DSCAM: variants seen among roughly 807,000 people sequenced by gnomAD.
The protein encoded by DSCAM is DS cell adhesion molecule, also known as cell adhesion molecule DSCAM.
Under a neutral mutation model 217.7 loss-of-function variants are expected in DSCAM, and 47 were observed. The ratio of observed to expected loss-of-function variants is 0.22; its 90% confidence interval spans 0.17 to 0.28. The LOEUF (loss-of-function observed/expected upper bound fraction) is 0.28, where lower values mean the gene tolerates loss of function less well. DSCAM is among the 10% of genes least tolerant of loss of function. The pLI is 1.00. For missense variants in DSCAM, 2,080 were observed against 2,618.3 expected, an observed-to-expected ratio of 0.79 and a Z score of 4.49; for synonymous variants, 1,056 against 1,015.3, an observed-to-expected ratio of 1.04 and a Z score of -0.76.
chr21:40,708,078 C>G (rs1430137317), intron 2 of DSCAM, among the ~76,000 whole-genome samples: 1 of 151,978 alleles, frequency 6.6e-6, no homozygotes, highest in African/African-American at 2.4e-5. Flanking sequence ...ATTTTTTTCT[C>G]TCTCTTTCTC....
chr21:40,194,787 G>A (rs999146563), intron 11 of DSCAM, among the ~76,000 whole-genome samples: 1 of 152,148 alleles, frequency 6.6e-6, no homozygotes, highest in Non-Finnish European at 1.5e-5. Flanking sequence ...ATCTGATTGT[G>A]CACATCTCTG....
rs185692184 is a variant in DSCAM at position 40,435,851 on chromosome 21, T to G, written c.509-66606A>C. 4.6e-5 allele frequency among the ~76,000 whole-genome samples: 7 copies of G among 152,318 alleles called. No homozygotes were observed. In the East Asian group the frequency reaches 9.6e-4, roughly 21 times the overall value. On this transcript the variant is annotated intron_variant, in intron 3 of 32. Transcript: ENST00000400454. ...ATACCCATTCAATAGAAACCATACT[T>G]TGAATTTTGATCTTTTCCCAGGCTA...
At position 40,822,262 on chromosome 21, in the gene DSCAM, C is replaced by T. The variant is rs1252230994; in HGVS notation, c.43+24357G>A. The stretch of plus-strand genomic sequence containing the variant: ...TGAACCCGGGAAGCAGGGGTTGCAG[C>T]GAGCCAAGATTGCACCACTGCACTC... On this transcript the variant is annotated intron_variant, in intron 1 of 32. Coordinates refer to ENST00000400454, the MANE Select transcript of DSCAM (RefSeq NM_001389.5). 8.4e-4 allele frequency among the ~76,000 whole-genome samples: 108 copies of T among 128,492 alleles called. 2 individuals are homozygous for T. The highest frequency in any genetic ancestry group is 3.3e-4 in the Non-Finnish European group (21 of 64,394). 84.3% of individuals were successfully genotyped at this position (128,492 alleles called of 152,430 possible). A position where few individuals can be genotyped will look rare whatever the true frequency, so the allele number is the denominator to read the frequency against.
chr21:40,631,159 G>A (rs1352211040), intron 3 of DSCAM, among the ~76,000 whole-genome samples: 2 of 152,028 alleles, frequency 1.3e-5, no homozygotes, highest in East Asian at 1.9e-4. Context: ...TATCTTATAC[G>A]TGGCCTCTCT....
intron 10 of DSCAM, among the ~76,000 whole-genome samples, chr21:40,286,640 T>C (rs2123416476): frequency 6.8e-6 from 1 of 147,824 alleles, no homozygotes; most frequent in Non-Finnish European, 1.5e-5. Context: ...CAGACTTATC[T>C]TTTGAATGTA....
chr21:40,215,246 AAAAAAAAAAAAAAAAAAAAAG>A, intron 11 of DSCAM, among the ~76,000 whole-genome samples: 1 of 143,138 alleles, frequency 7.0e-6, no homozygotes, highest in African/African-American at 2.8e-5. Context: ...AAAAAAAAAA[AAAAAAAAAAAAAAAAAAAAAG>A]ATATGGAATC....
intron 3 of DSCAM, among the ~76,000 whole-genome samples, chr21:40,672,684 C>T (rs1398352644): frequency 6.6e-6 from 1 of 152,164 alleles, no homozygotes. Context: ...ATTATTAATG[C>T]TATTCAATTT....
At chr21:40,141,975 T>TACACACATACACACAC (rs2090296162) in intron 18 of DSCAM, among the ~76,000 whole-genome samples, 1 of 143,116 alleles carries the variant, frequency 7.0e-6, no homozygotes, top group Admixed American at 6.9e-5. Context: ...CCACTTGAAA[T>TACACACATACACACAC]ACACACACAC....
chr21:40,248,992 C>T (rs1004377544), intron 11 of DSCAM, among the ~76,000 whole-genome samples: 2 of 152,154 alleles, frequency 1.3e-5, no homozygotes, highest in Non-Finnish European at 2.9e-5. Context: ...GACTTATTCA[C>T]CATCACACGA....
At chr21:40,350,119 C>T (rs186461689) in intron 5 of DSCAM, among the ~76,000 whole-genome samples, 1 of 152,102 alleles carries the variant, frequency 6.6e-6, no homozygotes, top group East Asian at 1.9e-4. Flanking sequence ...TTGTTTACAC[C>T]TTATACGAAA....
At chr21:40,752,679 C>T (rs774325999) in intron 1 of DSCAM, among the ~76,000 whole-genome samples, 2 of 151,972 alleles carry the variant, frequency 1.3e-5, no homozygotes, top group Non-Finnish European at 2.9e-5. Flanking sequence ...GGAGAAAGAC[C>T]CTGTCCAACA....
intron 11 of DSCAM, among the ~76,000 whole-genome samples, chr21:40,199,977 T>G (rs2091053170): frequency 1.3e-5 from 2 of 150,572 alleles, no homozygotes; most frequent in Admixed American, 1.3e-4. Context: ...CACAGTAGTA[T>G]CTTCCCAGTC....
chr21:40,321,287 C>T (rs552251798), intron 8 of DSCAM, among the ~76,000 whole-genome samples: 1 of 152,320 alleles, frequency 6.6e-6, no homozygotes, highest in East Asian at 1.9e-4. Flanking sequence ...TTCATGCCTG[C>T]TTGTTCAGTA....
chr21:40,104,194 A>T (rs1021630158), intron 20 of DSCAM, among the ~76,000 whole-genome samples: 3 of 152,154 alleles, frequency 2.0e-5, no homozygotes, highest in Admixed American at 1.3e-4. Flanking sequence ...TCAAAGTTAC[A>T]TTATTAATTT....
chr21:40,202,391 G>A (rs562696687), intron 11 of DSCAM, among the ~76,000 whole-genome samples: 88 of 152,302 alleles, frequency 5.8e-4, no homozygotes, highest in African/African-American at 2.0e-3. Context: ...CACTCAATGG[G>A]GTGGTGAATT....
intron 11 of DSCAM, among the ~76,000 whole-genome samples, chr21:40,215,225 C>CAAAAAAAAAAAAAAA (rs1162761613): frequency 1.8e-4 from 1 of 5,484 alleles, no homozygotes; most frequent in African/African-American, 4.3e-4. Flanking sequence ...GACTCCGTCT[C>CAAAAAAAAAAAAAAA]AAAAAAAAAA....
At chr21:40,126,410 G>A (rs1476547333) in intron 19 of DSCAM, among the ~76,000 whole-genome samples, 1 of 152,162 alleles carries the variant, frequency 6.6e-6, no homozygotes, top group African/African-American at 2.4e-5. Flanking sequence ...GGACCACTGA[G>A]AAGAATGGGA....
intron 3 of DSCAM, among the ~76,000 whole-genome samples, chr21:40,491,763 C>T (rs533722699): frequency 6.6e-6 from 1 of 152,282 alleles, no homozygotes; most frequent in East Asian, 1.9e-4. Context: ...AAAAGCTCTT[C>T]CTCTAAATAC....
At chr21:40,127,736 C>A (rs2090110673) in intron 19 of DSCAM, among the ~76,000 whole-genome samples, 1 of 152,190 alleles carries the variant, frequency 6.6e-6, no homozygotes, top group Non-Finnish European at 1.5e-5. Flanking sequence ...ATCATCTTCT[C>A]AGTTGCAAGA....
Sources: gnomAD v4.1 joint callset for allele counts (sites outside exome capture counted in the v4.1 genomes callset) on GRCh38, gnomAD v4.1.1 for gene constraint, MANE v1.5 for transcripts, NCBI Gene and HGNC (gene_info 2026-07-23, HGNC 2026-07-21) for gene names.